The following PLCXD2 variants were observed in gnomAD, a reference collection of about 807,000 sequenced individuals.
PLCXD2 encodes the protein phosphatidylinositol specific phospholipase C X domain containing 2.
A neutral mutation model predicts 28.6 loss-of-function variants in PLCXD2; 21 were observed. That is an observed-to-expected ratio of 0.73 (90% CI 0.52 to 1.06). The LOEUF (loss-of-function observed/expected upper bound fraction) is 1.06, where lower values mean the gene tolerates loss of function less well. Among genes scored for constraint, PLCXD2 ranks in the 50% least tolerant of loss-of-function variants. The pLI, the probability that PLCXD2 is intolerant of heterozygous loss-of-function variation, is 0.00. For missense variants in PLCXD2, 369 were observed against 376.7 expected, an observed-to-expected ratio of 0.98 and a Z score of 0.17; for synonymous variants, 140 against 150.1, an observed-to-expected ratio of 0.93 and a Z score of 0.49.
rs375314865 is a variant in PLCXD2, at chr3:111,708,418, G to A, written c.624+32G>A. 4 of 1,578,082 alleles carry A rather than the reference G, an allele frequency of 2.5e-6. No individual in the cohort carries two copies. In the African/African-American group the frequency reaches 5.4e-5, roughly 21 times the overall value. The stretch of plus-strand genomic sequence containing the variant: ...GGGAAGGAGAGATAAGCTTCCAAGA[G>A]CAAGAATTTAACTCTTCCTGCTTTT... On this transcript the variant is annotated intron_variant, in intron 2 of 4. Transcript: ENST00000477665.
chr3:111,680,572 C>G (rs1055662965), intron 1 of PLCXD2, among the ~76,000 whole-genome samples: 6 of 152,152 alleles, frequency 3.9e-5, no homozygotes, highest in Non-Finnish European at 8.8e-5. Context: ...TAAAAAGACA[C>G]TATGACTGTG....
chr3:111,724,980 C>T (rs1383053576), intron 3 of PLCXD2: 1 of 152,202 alleles, frequency 6.6e-6, no homozygotes, highest in Non-Finnish European at 1.5e-5. Flanking sequence ...ATGCCTTATA[C>T]TCAGGGGGTG....
rs1940607933 is a variant in PLCXD2, at chr3:111,675,490, T to C, written c.163+82T>C. 3 of 1,509,312 alleles carry C rather than the reference T, an allele frequency of 2.0e-6. No homozygotes were observed. The East Asian group carries it at 6.8e-5, about 34-fold the overall frequency. 93.5% of individuals were successfully genotyped at this position (1,509,312 alleles called of 1,614,324 possible). ...TTAAGGGGTTGGGTTGCTTTTCTAT[T>C]GTGCTGAGAAATTAATTGTCAGTGA... On this transcript the variant is annotated intron_variant, in intron 1 of 4. Coordinates refer to ENST00000477665, the MANE Select transcript of PLCXD2 (RefSeq NM_001185106.1).
intron 3 of PLCXD2, among the ~76,000 whole-genome samples, chr3:111,715,970 A>G (rs1941261443): frequency 6.6e-6 from 1 of 152,240 alleles, no homozygotes; most frequent in Non-Finnish European, 1.5e-5. Flanking sequence ...TCTGGCTGCA[A>G]GTGAAACATT....
In PLCXD2 at chr3:111,675,406, C is replaced by T; in HGVS notation, c.161C>T (p.Pro54Leu). The T allele has an allele frequency of 6.2e-7, 1 of 1,614,116 alleles. No individual in the cohort carries two copies. ...CTCCCCCTTTCCAATCTGGCAATCC[C>T]AGGTATTCGTCTATTCCTACTTGTT... The change falls in exon 1 of 5, where the codon CCA becomes CTA. Residue 54 changes from proline to leucine, a missense_variant and splice_region_variant. By Grantham distance (98) the Pro-to-Leu change is moderately conservative. Coordinates refer to ENST00000477665, the MANE Select transcript of PLCXD2 (RefSeq NM_001185106.1).
intron 3 of PLCXD2, among the ~76,000 whole-genome samples, chr3:111,717,052 A>G (rs1310462618): frequency 6.6e-6 from 1 of 152,052 alleles, no homozygotes; most frequent in African/African-American, 2.4e-5. Context: ...GAGAAAATAC[A>G]TTTCTGTCAT....
chr3:111,701,634 T>C (rs1347246909), intron 1 of PLCXD2, among the ~76,000 whole-genome samples: 2 of 152,116 alleles, frequency 1.3e-5, no homozygotes, highest in Non-Finnish European at 2.9e-5. Flanking sequence ...TATGAACAAA[T>C]TAGAGTGAAA....
chr3:111,689,909 A>G (rs1399108939), intron 1 of PLCXD2, among the ~76,000 whole-genome samples: 1 of 152,206 alleles, frequency 6.6e-6, no homozygotes, highest in African/African-American at 2.4e-5. Flanking sequence ...AACAAGTATA[A>G]TAATAATAAA....
intron 1 of PLCXD2, among the ~76,000 whole-genome samples, chr3:111,700,107 C>T (rs905022746): frequency 6.6e-6 from 1 of 152,160 alleles, no homozygotes; most frequent in African/African-American, 2.4e-5. Flanking sequence ...GAGATTTTGA[C>T]TTAGAAGGTT....
intron 2 of PLCXD2, among the ~76,000 whole-genome samples, chr3:111,708,786 G>A (rs950664684): frequency 8.5e-5 from 13 of 152,156 alleles, no homozygotes; most frequent in African/African-American, 3.1e-4. Context: ...CCTGGCCAAG[G>A]TATCGACTGA....
intron 3 of PLCXD2, among the ~76,000 whole-genome samples, chr3:111,717,189 C>T (rs1941277910): frequency 6.6e-6 from 1 of 152,086 alleles, no homozygotes; most frequent in African/African-American, 2.4e-5. Flanking sequence ...ACCAGTTAAA[C>T]AGGATTAATA....
intron 1 of PLCXD2, among the ~76,000 whole-genome samples, chr3:111,701,034 C>T (rs575201388): frequency 1.3e-5 from 2 of 152,182 alleles, no homozygotes; most frequent in Admixed American, 1.3e-4. Context: ...TCCATGTCAG[C>T]TAATAAGATA....
At chr3:111,725,172 C>T (rs1475190681) in intron 3 of PLCXD2, 1 of 152,724 alleles carries the variant, frequency 6.5e-6, no homozygotes, top group Non-Finnish European at 1.5e-5. Context: ...GAGAGGTGGG[C>T]TTTCCCAGTA....
intron 3 of PLCXD2, chr3:111,726,877 A>G (rs1334257649): frequency 2.6e-5 from 4 of 152,232 alleles, no homozygotes; most frequent in African/African-American, 9.6e-5. Context: ...AATAATAAAT[A>G]TACAATTTTG....
chr3:111,715,908 T>C (rs1941260645), intron 3 of PLCXD2, among the ~76,000 whole-genome samples: 1 of 152,218 alleles, frequency 6.6e-6, no homozygotes, highest in East Asian at 1.9e-4. Flanking sequence ...TTATAACTAG[T>C]AACCCACAAT....
intron 1 of PLCXD2, among the ~76,000 whole-genome samples, chr3:111,680,047 T>A (rs577390794): frequency 1.3e-5 from 2 of 152,232 alleles, no homozygotes; most frequent in African/African-American, 4.8e-5. Flanking sequence ...TCTGATCTCA[T>A]GTTGCTAGTG....
rs1046591019 is a variant in PLCXD2 at position 111,675,390 on chromosome 3, T to C, written c.145T>C (p.Ser49Pro). The change falls in exon 1 of 5, where the codon TCC becomes CCC. Residue 49 changes from serine (S) to proline (P), a missense_variant. By Grantham distance (74) the Ser-to-Pro change is moderately conservative. Transcript: ENST00000477665. ...CCCTCACCTCCACAACCTCCCCCTTTCCAATCTGGCAATCCCAGGTATTCG... is the reference window on the plus strand; with the variant it reads ...CCCTCACCTCCACAACCTCCCCCTTCCCAATCTGGCAATCCCAGGTATTCG... 1 of 1,614,122 alleles carries C rather than the reference T, an allele frequency of 6.2e-7. No individual in the cohort carries two copies. Among genetic ancestry groups the C allele is most frequent in the Admixed American group, 1.7e-5 (1 of 60,006 alleles).
At chr3:111,717,193 A>T (rs1156914847) in intron 3 of PLCXD2, among the ~76,000 whole-genome samples, 1 of 152,076 alleles carries the variant, frequency 6.6e-6, no homozygotes, top group Non-Finnish European at 1.5e-5. Flanking sequence ...GTTAAACAGG[A>T]TTAATAAACC....
intron 3 of PLCXD2, chr3:111,721,251 G>T (rs1941341932): frequency 6.5e-6 from 1 of 154,844 alleles, no homozygotes; most frequent in Non-Finnish European, 1.4e-5. Flanking sequence ...TGTTGTGTTT[G>T]AGCCGGTGAA....
Sources: allele counts gnomAD v4.1 joint callset (sites outside exome capture counted in the v4.1 genomes callset), GRCh38; gene constraint gnomAD v4.1.1; transcripts MANE v1.5; gene names NCBI Gene and HGNC (gene_info 2026-07-23, HGNC 2026-07-21).